Variants in ZNF280C observed in about 807,000 individuals in gnomAD.
The protein encoded by ZNF280C is suppressor of hairy wing homolog 3.
ZNF280C carries 14 observed loss-of-function variants against 53.6 expected under a neutral mutation model. That is an observed-to-expected ratio of 0.26 (90% CI 0.17 to 0.41). ZNF280C has a LOEUF of 0.41. Ranked by LOEUF, ZNF280C falls within the 10% of genes least tolerant of loss-of-function variation. The pLI is 1.00. For missense variants in ZNF280C, 416 were observed against 547.1 expected, an observed-to-expected ratio of 0.76 and a Z score of 2.39; for synonymous variants, 203 against 181.1, an observed-to-expected ratio of 1.12 and a Z score of -0.97.
chrX:130,261,106 C>A (rs1290247337), intron 1 of ZNF280C, among the ~76,000 whole-genome samples: 1 of 111,797 alleles, frequency 8.9e-6, no homozygotes, highest in Non-Finnish European at 1.9e-5. Context: ...CTGTTCATTG[C>A]CTTTTGTGCT....
chrX:130,253,738 T>C (rs2032537692), intron 2 of ZNF280C, among the ~76,000 whole-genome samples: 1 of 111,911 alleles, frequency 8.9e-6, no homozygotes, highest in Admixed American at 9.5e-5. Flanking sequence ...ACCCCTTCCT[T>C]ACACCATACA....
chrX:130,235,609 AATT>A (rs2032323589), intron 8 of ZNF280C, among the ~76,000 whole-genome samples: 1 of 112,479 alleles, frequency 8.9e-6, no homozygotes, highest in Non-Finnish European at 1.9e-5. Flanking sequence ...AATGTTTATA[AATT>A]ATTATGGGGT....
chrX:130,238,419 G>T (rs996822032), intron 6 of ZNF280C, among the ~76,000 whole-genome samples: 7 of 111,059 alleles, frequency 6.3e-5, no homozygotes, highest in African/African-American at 2.3e-4. Flanking sequence ...TGAGAAAACT[G>T]AGGTATAAAG....
At chrX:130,253,295 G>A (rs2032533861) in intron 2 of ZNF280C, among the ~76,000 whole-genome samples, 2 of 112,538 alleles carry the variant, frequency 1.8e-5, no homozygotes, top group African/African-American at 6.5e-5. Context: ...AACATTCTAC[G>A]CTCATGAATT....
At position 130,229,797 on chromosome X, in the gene ZNF280C, G is replaced by C. The variant is rs1603242017; in HGVS notation, c.990-663C>G. 3.6e-5 allele frequency among the ~76,000 whole-genome samples: 4 copies of C among 112,090 alleles called. No individual in the cohort carries two copies. In the Admixed American group the frequency reaches 3.8e-4, roughly 11 times the overall value. Reference sequence around the variant, plus strand: ...TTAGCTTCTCTGAAAGGCTTCTGAAGAGAAGGAACTATGATGTTCAATGGC... The same window carrying C: ...TTAGCTTCTCTGAAAGGCTTCTGAACAGAAGGAACTATGATGTTCAATGGC... On this transcript the variant is annotated intron_variant, in intron 9 of 18. Coordinates refer to ENST00000370978, the MANE Select transcript of ZNF280C (RefSeq NM_017666.5).
chrX:130,236,438 T>C (rs780675573), intron 7 of ZNF280C, 31 bp downstream of exon 7: 1 of 1,016,959 alleles, frequency 9.8e-7, no homozygotes, highest in East Asian at 3.4e-5. Context: ...AATAATACTA[T>C]TTTTTTTTAC....
rs191533859 is a variant in ZNF280C at position 130,219,044 on chromosome X, G to A, written c.1527+1305C>T. Among the ~76,000 whole-genome samples the A allele has an allele frequency of 8.1e-5, 9 of 111,737 alleles. No individual in the cohort carries two copies. In the East Asian group the frequency reaches 2.5e-3, roughly 31 times the overall value. Reference sequence around the variant, plus strand: ...TCTTATGCTAGATATTCAGATAATTGTTTTATATTAATTTTGTTAATTTAA... The same window carrying A: ...TCTTATGCTAGATATTCAGATAATTATTTTATATTAATTTTGTTAATTTAA... On this transcript the variant is annotated intron_variant, in intron 13 of 18. Transcript: ENST00000370978.
At chrX:130,227,533 A>G (rs181474054) in intron 11 of ZNF280C, 149 bp downstream of exon 11, 13 of 476,417 alleles carry the variant, frequency 2.7e-5, no homozygotes, top group Non-Finnish European at 4.4e-5. Context: ...GTTAAACCCA[A>G]GGGGGTTTCC....
chrX:130,236,528 G>A lies in ZNF280C; in HGVS notation c.605C>T (p.Thr202Ile). 1 of 1,208,004 alleles carries A rather than the reference G, an allele frequency of 8.3e-7. No individual in the cohort carries two copies. Among genetic ancestry groups the A allele is most frequent in the Non-Finnish European group, 1.1e-6 (1 of 893,227 alleles). Residue 202 changes from threonine to isoleucine, a missense_variant, in exon 7 of 19, where the codon ACT becomes ATT. Around this residue, in one of 3 missense-constraint regions of ZNF280C, gnomAD observed 193 missense variants for 201.4 expected, o/e 0.96. Coordinates refer to ENST00000370978, the MANE Select transcript of ZNF280C (RefSeq NM_017666.5). ...AGGAGAGCCAATTAAAGGCAATGAA[G>A]TGGAGGGATTTATCTGAGGAACATC... is the stretch of plus-strand genomic sequence containing the variant. ...SEDVPQINPS[T>I]SLPLIGSPPV...
At chrX:130,243,725 T>C (rs751103786) in intron 4 of ZNF280C, 26 bp from the exon 5 acceptor site, 20 of 1,179,746 alleles carry the variant, frequency 1.7e-5, no homozygotes, top group Non-Finnish European at 2.2e-5. Context: ...ATACAACATA[T>C]TGAATATATT....
chrX:130,248,898 C>T (rs2032477031), intron 2 of ZNF280C, among the ~76,000 whole-genome samples: 1 of 112,078 alleles, frequency 8.9e-6, no homozygotes, highest in Non-Finnish European at 1.9e-5. Context: ...TTCCCTGCCC[C>T]GTAAGAACAT....
intron 8 of ZNF280C, among the ~76,000 whole-genome samples, chrX:130,235,159 T>C (rs1280251324): frequency 8.9e-6 from 1 of 112,378 alleles, no homozygotes; most frequent in African/African-American, 3.2e-5. Flanking sequence ...TTACAGGAAG[T>C]TTGAAGAATG....
intron 13 of ZNF280C, 97 bp downstream of exon 13, chrX:130,220,252 C>G: frequency 1.2e-6 from 1 of 817,703 alleles, no homozygotes. Flanking sequence ...AGCTTTCTAA[C>G]ACTAGATCTT....
At chrX:130,267,852 C>G in intron 1 of ZNF280C, among the ~76,000 whole-genome samples, 1 of 111,719 alleles carries the variant, frequency 9.0e-6, no homozygotes, top group East Asian at 2.8e-4. Flanking sequence ...AACCTGAAAA[C>G]AATAGTAAAA....
chrX:130,209,774 T>C, intron 15 of ZNF280C, 59 bp from the exon 16 acceptor site: 1 of 939,276 alleles, frequency 1.1e-6, no homozygotes, highest in Non-Finnish European at 1.5e-6. Context: ...ACCATATTAA[T>C]TTTCTGACCA....
rs760692333 is a variant in ZNF280C, at chrX:130,216,087, A to G, written c.1542T>C (p.Ala514=). The G allele has an allele frequency of 8.3e-7, 1 of 1,202,399 alleles. No individual in the cohort carries two copies. The highest frequency in any genetic ancestry group is 1.1e-6 in the Non-Finnish European group (1 of 890,640). The change falls in exon 14 of 19, where the codon GCT becomes GCC. Residue 514 remains alanine (A), a synonymous_variant. Coordinates refer to ENST00000370978, the MANE Select transcript of ZNF280C (RefSeq NM_017666.5). ...LPPGAKVTIR[A]SLGPLQSKLP... ...ATTTTGACTGGAGAGGTCCAAGTGA[A>G]GCTCGAATAGTAACCTATAAAAACA...
At chrX:130,237,142 T>G (rs1235274571) in intron 6 of ZNF280C, among the ~76,000 whole-genome samples, 1 of 112,005 alleles carries the variant, frequency 8.9e-6, no homozygotes, top group Non-Finnish European at 1.9e-5. Context: ...ACTTAAGATG[T>G]GTAATGGAAA....
At chrX:130,267,623 T>G (rs745340510) in intron 1 of ZNF280C, among the ~76,000 whole-genome samples, 1 of 112,171 alleles carries the variant, frequency 8.9e-6, no homozygotes, top group East Asian at 2.8e-4. Context: ...TCTGTACTGC[T>G]GTAGAAACAT....
chrX:130,254,879 A>G (rs2032549504), intron 2 of ZNF280C, among the ~76,000 whole-genome samples: 1 of 110,436 alleles, frequency 9.1e-6, no homozygotes, highest in African/African-American at 3.3e-5. Context: ...TACCCATAAC[A>G]AACCTGCACA....
Sources: gnomAD v4.1 joint callset for allele counts (sites outside exome capture counted in the v4.1 genomes callset) on GRCh38, gnomAD v4.1.1 for gene constraint, gnomAD v4.1.1 regional missense constraint, MANE v1.5 for transcripts, NCBI Gene and HGNC (gene_info 2026-07-23, HGNC 2026-07-21) for gene names.